ARHGEF12: variants seen among roughly 807,000 people sequenced by gnomAD.
ARHGEF12 encodes the protein KMT2A/ARHGEF12 fusion protein.
A neutral mutation model predicts 211.2 loss-of-function variants in ARHGEF12; 66 were observed. That is an observed-to-expected ratio of 0.31 (90% confidence interval 0.26 to 0.38). ARHGEF12 has a LOEUF of 0.38. Among genes scored for constraint, ARHGEF12 ranks in the 10% least tolerant of loss-of-function variants. The probability of loss-of-function intolerance (pLI) is 1.00; values close to 1 mark genes in which losing one functional copy is unlikely to be tolerated. For missense variants in ARHGEF12, 1,429 were observed against 1,869.5 expected (o/e 0.76, Z 4.34); for synonymous variants, 592 against 638.4 (o/e 0.93, Z 1.09).
At chr11:120,479,091 A>G (rs1490136523) in intron 37 of ARHGEF12, among the ~76,000 whole-genome samples, 1 of 152,200 alleles carries the variant, frequency 6.6e-6, no homozygotes, top group African/African-American at 2.4e-5. Context: ...ATAATGAATG[A>G]CAAAACACTA....
chr11:120,469,251 A>T (rs1175877243), intron 29 of ARHGEF12, 37 bp from the exon 30 acceptor site: 3 of 1,499,048 alleles, frequency 2.0e-6, no homozygotes, highest in Middle Eastern at 1.7e-4. Context: ...TTTTTTGCTC[A>T]GTTCTTTTAC....
At position 120,344,716 on chromosome 11, in the gene ARHGEF12, AT is replaced by A. The variant is rs139087018; in HGVS notation, c.32+7442del. 6.1e-3 allele frequency among the ~76,000 whole-genome samples: 932 copies of A among 152,364 alleles called. 9 individuals are homozygous for A. Among genetic ancestry groups the A allele is most frequent in the African/African-American group, 0.022 (909 of 41,584 alleles). ...GATGGTTATAATGATGTATTATTAT[AT>A]CACTACTTCTCAGGTGATATGAGAG... On this transcript the variant is annotated intron_variant, in intron 1 of 40. Coordinates refer to ENST00000397843, the MANE Select transcript of ARHGEF12 (RefSeq NM_015313.3).
In ARHGEF12 at chr11:120,478,006, A is replaced by G. The variant is rs889451466; in HGVS notation, c.3533-150A>G. The G allele has an allele frequency of 1.0e-4, 63 of 625,486 alleles. No individual in the cohort carries two copies. The African/African-American group carries it at 1.1e-3, about 11-fold the overall frequency. The allele number at this position is 625,486 out of a possible 1,614,324, so 38.7% of individuals were successfully genotyped here. A position where few individuals can be genotyped will look rare whatever the true frequency, so the allele number is the denominator to read the frequency against. On this transcript the variant is annotated intron_variant, in intron 36 of 40. Transcript: ENST00000397843. ...TGAGCCTTCTGTGTGTCAGTATAAC[A>G]CTGTTCTAAGTGATGTGTATTTTTC...
chr11:120,378,160 T>C (rs1031243240), intron 1 of ARHGEF12, among the ~76,000 whole-genome samples: 1 of 152,082 alleles, frequency 6.6e-6, no homozygotes, highest in African/African-American at 2.4e-5. Flanking sequence ...TTACTTGTTC[T>C]ACATCCTCAT....
intron 1 of ARHGEF12, among the ~76,000 whole-genome samples, chr11:120,352,072 A>C (rs193188164): frequency 6.6e-6 from 1 of 152,216 alleles, no homozygotes; most frequent in African/African-American, 2.4e-5. Flanking sequence ...GTCTTCAACA[A>C]TACCATTAAA....
At chr11:120,369,780 G>A (rs1208972077) in intron 1 of ARHGEF12, among the ~76,000 whole-genome samples, 2 of 152,120 alleles carry the variant, frequency 1.3e-5, no homozygotes, top group Non-Finnish European at 2.9e-5. Context: ...CTTATACTTG[G>A]AATATTTCAC....
intron 1 of ARHGEF12, among the ~76,000 whole-genome samples, chr11:120,379,567 C>A (rs1009408266): frequency 6.0e-5 from 9 of 151,220 alleles, no homozygotes; most frequent in Non-Finnish European, 1.0e-4. Context: ...ACCTTCTATT[C>A]CTAGCTTGTA....
intron 1 of ARHGEF12, among the ~76,000 whole-genome samples, chr11:120,360,862 T>C (rs748502941): frequency 2.6e-5 from 4 of 152,210 alleles, no homozygotes; most frequent in Admixed American, 6.5e-5. Flanking sequence ...TCCTTTGATA[T>C]AGAAAAATGC....
chr11:120,384,795 C>T (rs1943979588), intron 1 of ARHGEF12, among the ~76,000 whole-genome samples: 1 of 152,110 alleles, frequency 6.6e-6, no homozygotes, highest in South Asian at 2.1e-4. Flanking sequence ...TTTTCCTCCC[C>T]CCATGTTTAA....
chr11:120,476,577 G>T (rs1947038644), intron 33 of ARHGEF12, 84 bp from the exon 34 acceptor site: 1 of 851,868 alleles, frequency 1.2e-6, no homozygotes, highest in Non-Finnish European at 1.8e-6. Flanking sequence ...AGTTTAAGGG[G>T]CAGACTATTT....
chr11:120,423,841 T>TG (rs1387887630), intron 6 of ARHGEF12, among the ~76,000 whole-genome samples: 1 of 152,182 alleles, frequency 6.6e-6, no homozygotes, highest in Non-Finnish European at 1.5e-5. Context: ...AGTTTTGCCT[T>TG]GATTTGTTTG....
chr11:120,476,637 G>C, intron 33 of ARHGEF12, 24 bp from the exon 34 acceptor site: 1 of 1,597,046 alleles, frequency 6.3e-7, no homozygotes, highest in East Asian at 2.2e-5. Context: ...TAGTATTAGA[G>C]TAATCTTGTA....
intron 28 of ARHGEF12, 36 bp downstream of exon 28, chr11:120,465,398 G>A (rs1419192710): frequency 2.5e-6 from 4 of 1,610,792 alleles, no homozygotes; most frequent in African/African-American, 1.3e-5. Flanking sequence ...AAAAAATAAG[G>A]CAAGTTTTTA....
chr11:120,455,340 G>C (rs568705309), intron 22 of ARHGEF12, among the ~76,000 whole-genome samples: 45 of 152,144 alleles, frequency 3.0e-4, no homozygotes, highest in African/African-American at 1.1e-3. Flanking sequence ...AGTGCACCAG[G>C]GATAAGCTTT....
intron 10 of ARHGEF12, among the ~76,000 whole-genome samples, chr11:120,431,540 A>G (rs893719140): frequency 3.3e-5 from 5 of 152,172 alleles, no homozygotes; most frequent in African/African-American, 1.2e-4. Flanking sequence ...CATTCTTTTT[A>G]CCAAAATATC....
intron 1 of ARHGEF12, among the ~76,000 whole-genome samples, chr11:120,369,635 G>A (rs1042354607): frequency 6.6e-6 from 1 of 152,180 alleles, no homozygotes; most frequent in African/African-American, 2.4e-5. Flanking sequence ...GGGTATACAA[G>A]AATTTTTATT....
chr11:120,457,903 A>G, intron 24 of ARHGEF12, 147 bp downstream of exon 24: 3 of 1,125,850 alleles, frequency 2.7e-6, no homozygotes, highest in South Asian at 1.6e-5. Flanking sequence ...AACACTGGTC[A>G]TTCAAAAGCT....
chr11:120,363,372 A>G (rs1230157040), intron 1 of ARHGEF12, among the ~76,000 whole-genome samples: 2 of 152,196 alleles, frequency 1.3e-5, no homozygotes, highest in Non-Finnish European at 2.9e-5. Flanking sequence ...CCAAGTTACA[A>G]GTGTGCTGAT....
Position 120,485,198 on chromosome 11 carries a change from C to T in ARHGEF12, c.*121C>T, listed in dbSNP as rs1947367753. On this transcript the variant is annotated 3_prime_UTR_variant, in exon 41 of 41. Coordinates refer to ENST00000397843, the MANE Select transcript of ARHGEF12 (RefSeq NM_015313.3). ...TGACAGAGGATCTGCCTGTGAACCA[C>T]CTGGGATTAGTCAAGTCCCAAGGTG... 1.5e-6 allele frequency: 2 copies of T among 1,321,658 alleles called. No homozygotes were observed. Among genetic ancestry groups the T allele is most frequent in the Non-Finnish European group, 1.1e-6 (1 of 931,790 alleles). The allele number at this position is 1,321,658 out of a possible 1,614,324, so 81.9% of individuals were successfully genotyped here.
Sources: gnomAD v4.1 joint callset for allele counts (sites outside exome capture counted in the v4.1 genomes callset) on GRCh38, gnomAD v4.1.1 for gene constraint, MANE v1.5 for transcripts, NCBI Gene and HGNC (gene_info 2026-07-23, HGNC 2026-07-21) for gene names.